The following COL13A1 variants were observed in gnomAD, a reference collection of about 807,000 sequenced individuals.
COL13A1 encodes the protein collagen type XIII alpha 1 chain, also known as collagen alpha-1(XIII) chain.
In COL13A1, 89 loss-of-function variants were observed where a neutral mutation model predicts 130.9. The observed-to-expected ratio is 0.68, with a 90% CI of 0.57 to 0.81. COL13A1 has a LOEUF of 0.81. COL13A1 is among the 30% of genes least tolerant of loss of function. The pLI is 0.00. For synonymous variants in COL13A1, 402 were observed against 341.6 expected, an observed-to-expected ratio of 1.18 and a Z score of -1.95; for missense variants, 879 against 934.6, an observed-to-expected ratio of 0.94 and a Z score of 0.78.
At chr10:69,915,545 G>A (rs1053354685) in intron 17 of COL13A1, among the ~76,000 whole-genome samples, 1 of 152,232 alleles carries the variant, frequency 6.6e-6, no homozygotes, top group Non-Finnish European at 1.5e-5. Context: ...CAAACGCTAA[G>A]TGGTCCCTGT....
intron 2 of COL13A1, among the ~76,000 whole-genome samples, chr10:69,863,976 G>A (rs1052395919): frequency 2.0e-5 from 3 of 152,068 alleles, no homozygotes; most frequent in Non-Finnish European, 2.9e-5. Flanking sequence ...GCTGAGGTGG[G>A]AAGATTGCCT....
intron 10 of COL13A1, among the ~76,000 whole-genome samples, chr10:69,893,786 GA>G (rs2061403232): frequency 6.6e-6 from 1 of 152,198 alleles, no homozygotes; most frequent in Non-Finnish European, 1.5e-5. Flanking sequence ...TCGGGAGCTG[GA>G]GTGGACACAA....
chr10:69,867,752 C>A (rs2058666655), intron 2 of COL13A1, 46 bp from the exon 3 acceptor site: 1 of 717,892 alleles, frequency 1.4e-6, no homozygotes. Context: ...CCCACCGCCC[C>A]CTACAGCAAT....
chr10:69,922,030 T>C, intron 22 of COL13A1, 95 bp downstream of exon 22: 5 of 1,434,190 alleles, frequency 3.5e-6, no homozygotes, highest in Non-Finnish European at 4.7e-6. Context: ...ATTGGACGTG[T>C]CTGTCTCCCA....
chr10:69,861,959 G>A (rs759792753), intron 2 of COL13A1, among the ~76,000 whole-genome samples: 47 of 152,228 alleles, frequency 3.1e-4, no homozygotes, highest in Admixed American at 2.7e-3. Context: ...GCTGGCAAAC[G>A]CTTAAGAAGT....
intron 18 of COL13A1, among the ~76,000 whole-genome samples, chr10:69,917,878 C>T (rs1344185713): frequency 6.6e-6 from 1 of 152,016 alleles, no homozygotes; most frequent in Non-Finnish European, 1.5e-5. Flanking sequence ...ACCCCTCTCC[C>T]GTGGCTTTCC....
At chr10:69,883,117 G>T (rs2060301428) in intron 7 of COL13A1, among the ~76,000 whole-genome samples, 1 of 152,176 alleles carries the variant, frequency 6.6e-6, no homozygotes, top group South Asian at 2.1e-4. Context: ...TTTGATAAAT[G>T]GTCCAAGCAA....
Position 69,802,286 on chromosome 10 carries a change from G to C in COL13A1, c.-138G>C. 2 of 1,051,112 alleles carry C rather than the reference G, an allele frequency of 1.9e-6. No individual in the cohort carries two copies. The highest frequency in any genetic ancestry group is 3.2e-5 in the East Asian group (1 of 30,894). The allele number at this position is 1,051,112 out of a possible 1,614,324, so 65.1% of individuals were successfully genotyped here. A position where few individuals can be genotyped will look rare whatever the true frequency, so the allele number is the denominator to read the frequency against. On this transcript the variant is annotated 5_prime_UTR_variant, in exon 1 of 41. Coordinates refer to ENST00000645393, the MANE Select transcript of COL13A1 (RefSeq NM_001368882.1). ...TGCTAATTTTTCCGTCCTCTTTGCCGGGAGCAGCGGAAAGGGACGTTTTCC... is the reference window on the plus strand; with the variant it reads ...TGCTAATTTTTCCGTCCTCTTTGCCCGGAGCAGCGGAAAGGGACGTTTTCC...
chr10:69,953,020 G>C (rs1247999629), intron 39 of COL13A1, 52 bp downstream of exon 39: 3 of 1,361,532 alleles, frequency 2.2e-6, no homozygotes, highest in Admixed American at 2.9e-5. Flanking sequence ...CTTGAGGTTT[G>C]TAAGTTGGAA....
chr10:69,885,403 G>A (rs1209374600), intron 7 of COL13A1, among the ~76,000 whole-genome samples: 1 of 152,180 alleles, frequency 6.6e-6, no homozygotes, highest in Non-Finnish European at 1.5e-5. Flanking sequence ...CTAACCTCAG[G>A]ATATAATTGA....
chr10:69,829,528 T>C lies in COL13A1; in HGVS notation c.364+7090T>C, dbSNP rs565603161. On this transcript the variant is annotated intron_variant, in intron 2 of 40. Coordinates refer to ENST00000645393, the MANE Select transcript of COL13A1 (RefSeq NM_001368882.1). Reference sequence around the variant, plus strand: ...CCTGGCCAAGCCAGACAGAACGTTATGCTTTAGAAATCAGCCAGTCCATAA... The same window carrying C: ...CCTGGCCAAGCCAGACAGAACGTTACGCTTTAGAAATCAGCCAGTCCATAA... 3.3e-5 allele frequency among the ~76,000 whole-genome samples: 5 copies of C among 152,376 alleles called. No homozygotes were observed. In the South Asian group the frequency reaches 1.0e-3, roughly 32 times the overall value.
In COL13A1 at chr10:69,889,327, A is replaced by AGGGGACAGGGAGGAGCACG. The variant is rs2060929524; in HGVS notation, c.577-83_577-82insACAGGGAGGAGCACGGGGG. 3.6e-5 allele frequency: 33 copies of AGGGGACAGGGAGGAGCACG among 924,118 alleles called. No individual in the cohort carries two copies. In the East Asian group the frequency reaches 5.5e-4, roughly 15 times the overall value. The allele number at this position is 924,118 out of a possible 1,614,324, so 57.2% of individuals were successfully genotyped here. On this transcript the variant is annotated intron_variant, in intron 9 of 40. Coordinates refer to ENST00000645393, the MANE Select transcript of COL13A1 (RefSeq NM_001368882.1). Reference sequence around the variant, plus strand: ...GAGCACGGGGGGCAGGGAGGAGCACAGGGGGCAGGGAGGAGCATGAAGGAC... The same window carrying AGGGGACAGGGAGGAGCACG: ...GAGCACGGGGGGCAGGGAGGAGCACAGGGGACAGGGAGGAGCACGGGGGGCAGGGAGGAGCATGAAGGAC...
chr10:69,847,802 G>C (rs993125529), intron 2 of COL13A1, among the ~76,000 whole-genome samples: 1 of 152,180 alleles, frequency 6.6e-6, no homozygotes, highest in Non-Finnish European at 1.5e-5. Flanking sequence ...TCCATCTGTG[G>C]CCCCACAGAA....
chr10:69,937,453 A>G (rs933138423), intron 33 of COL13A1, among the ~76,000 whole-genome samples, 182 bp from the exon 34 acceptor site: 1 of 152,138 alleles, frequency 6.6e-6, no homozygotes, highest in African/African-American at 2.4e-5. Context: ...CACAGGATAC[A>G]GGGGCTACTA....
At chr10:69,840,029 A>C (rs1851173351) in intron 2 of COL13A1, among the ~76,000 whole-genome samples, 1 of 152,220 alleles carries the variant, frequency 6.6e-6, no homozygotes, top group Non-Finnish European at 1.5e-5. Flanking sequence ...TGCGGTGTCC[A>C]GGTGAGAGGC....
chr10:69,889,447 G>A lies in COL13A1; in HGVS notation c.603+7G>A, dbSNP rs1171322320. 2.0e-5 allele frequency: 32 copies of A among 1,611,266 alleles called. No homozygotes were observed. The highest frequency in any genetic ancestry group is 2.6e-5 in the Non-Finnish European group (31 of 1,178,902). On this transcript the variant is annotated splice_region_variant and intron_variant, in intron 10 of 40. Coordinates refer to ENST00000645393, the MANE Select transcript of COL13A1 (RefSeq NM_001368882.1). ...AGGACCAAAGGGCGACATGGTAAGA[G>A]CCCAGCTTTCCTGCCTTCCCGAGAT...
chr10:69,935,364 AG>A lies in COL13A1; in HGVS notation c.1746del (p.Pro583GlnfsTer22). The A allele has an allele frequency of 6.3e-7, 1 of 1,577,742 alleles. No individual in the cohort carries two copies. The highest frequency in any genetic ancestry group is 8.6e-7 in the Non-Finnish European group (1 of 1,161,146). On this transcript the variant is annotated frameshift_variant, in exon 32 of 41. Transcript: ENST00000645393. LOFTEE classifies it high-confidence loss of function. ...TTGGCTTTTAGGTTCCTGGGCTGCC[AG>A]GGCCAGAGGGGCCTCCCGGACCTCC... ...NPGAEVPGLPGPEGPPGPPGL... is the reference protein window; with the variant it reads ...NPGAEVPGLPXPEGPPGPPGL...
intron 27 of COL13A1, 118 bp from the exon 28 acceptor site, chr10:69,928,818 TG>T: frequency 1.6e-6 from 1 of 643,782 alleles, no homozygotes; most frequent in Non-Finnish European, 2.6e-6. Context: ...TCTCTATCAC[TG>T]GAGAAAGGTC....
chr10:69,875,186 G>T, intron 5 of COL13A1, 23 bp downstream of exon 5: 5 of 1,613,898 alleles, frequency 3.1e-6, no homozygotes, highest in Non-Finnish European at 4.2e-6. Flanking sequence ...GTTTGTACCT[G>T]CTCAGGTGGC....
Sources: gnomAD v4.1 joint callset for allele counts (sites outside exome capture counted in the v4.1 genomes callset) on GRCh38, gnomAD v4.1.1 for gene constraint, MANE v1.5 for transcripts, NCBI Gene and HGNC (gene_info 2026-07-23, HGNC 2026-07-21) for gene names.